NUTM2G: variants seen among roughly 807,000 people sequenced by gnomAD.
NUTM2G encodes the protein NUT family member 2G.
A neutral mutation model predicts 44.3 loss-of-function variants in NUTM2G; 29 were observed. The observed-to-expected ratio is 0.66, with a 90% CI of 0.49 to 0.89. NUTM2G has a LOEUF of 0.89. NUTM2G is among the 40% of genes least tolerant of loss of function. NUTM2G has a pLI of 0.00. For missense variants in NUTM2G, 502 were observed against 946.5 expected (o/e 0.53, Z 6.16); for synonymous variants, 205 against 395.9 (o/e 0.52, Z 5.72).
At position 96,937,239 on chromosome 9, in the gene NUTM2G, C is replaced by T. The variant is rs1164685005; in HGVS notation, c.1158C>T (p.Ile386=). Residue 386 remains isoleucine (I), a synonymous_variant, in exon 5 of 7, where the codon ATC becomes ATT. Coordinates refer to ENST00000372322, the MANE Select transcript of NUTM2G (RefSeq NM_001170741.3). The part of the protein sequence containing the change: ...PPEVVQEYVD[I]MEELLGSHPG... The stretch of plus-strand genomic sequence containing the variant: ...AAGTGGTGCAGGAGTATGTGGACAT[C>T]ATGGAGGAGCTGCTGGGGTCTCACC... The T allele has an allele frequency of 1.2e-6, 2 of 1,613,346 alleles. No individual in the cohort carries two copies. The highest frequency in any genetic ancestry group is 1.8e-4 in the Middle Eastern group (1 of 5,570).
rs781157913 is a variant in NUTM2G, at chr9:96,931,703, C to A, written c.17-19C>A. 7.4e-6 allele frequency: 12 copies of A among 1,611,104 alleles called. No individual in the cohort carries two copies. The African/African-American group carries it at 9.4e-5, about 13-fold the overall frequency. On this transcript the variant is annotated intron_variant, in intron 1 of 6. Transcript: ENST00000372322. ...CCTGGAGACGCCAGCTCATTCACCTCTTTCCTTTGTCTCCACAGCATACCC... is the reference window on the plus strand; with the variant it reads ...CCTGGAGACGCCAGCTCATTCACCTATTTCCTTTGTCTCCACAGCATACCC...
intron 5 of NUTM2G, among the ~76,000 whole-genome samples, 178 bp from the exon 6 acceptor site, chr9:96,937,707 A>C (rs1314559211): frequency 5.4e-5 from 7 of 130,392 alleles, no homozygotes; most frequent in African/African-American, 3.1e-4. Context: ...GTGTCTCTGT[A>C]TGTGTGTATG....
In NUTM2G at chr9:96,932,115, C is replaced by G. The variant is rs199759392; in HGVS notation, c.410C>G (p.Ser137Cys). The G allele has an allele frequency of 0.045, 67,425 of 1,486,044 alleles. 517 individuals carry two copies. The highest frequency in any genetic ancestry group is 0.39 in the East Asian group (14,991 of 37,976). 92.1% of individuals were successfully genotyped at this position (1,486,044 alleles called of 1,614,324 possible). Residue 137 changes from serine to cysteine, a missense_variant, in exon 2 of 7, where the codon TCT becomes TGT. Physicochemically the swap from Ser to Cys is moderately radical, Grantham distance 112. Transcript: ENST00000372322. Reference sequence around the variant, plus strand: ...GCTGCTCCTGGGGTGCCCGTTACCTCTGCCCAGGTGGTTGGGGGCACCCAG... The same window carrying G: ...GCTGCTCCTGGGGTGCCCGTTACCTGTGCCCAGGTGGTTGGGGGCACCCAG... ...LAAAPGVPVT[S>C]AQVVGGTQAC... is the part of the protein sequence containing the mutation.
rs746292041 is a variant in NUTM2G at position 96,937,115 on chromosome 9, C to A, written c.1034C>A (p.Pro345Gln). The A allele has an allele frequency of 6.2e-7, 1 of 1,611,650 alleles. No individual in the cohort carries two copies. Among genetic ancestry groups the A allele is most frequent in the South Asian group, 1.1e-5 (1 of 90,960 alleles). Reference protein sequence around the residue: ...GPKAPTACLPPPRPQRPAETK... With the variant: ...GPKAPTACLPQPRPQRPAETK... ...AAGGCCCCGACTGCCTGCCTGCCAC[C>A]ACCCAGGCCCCAGAGGCCAGCGGAG... is the stretch of plus-strand genomic sequence containing the variant. Residue 345 changes from proline to glutamine, a missense_variant, in exon 5 of 7, where the codon CCA (proline) becomes CAA (glutamine). Pro to Gln is a moderately conservative substitution (Grantham distance 76). Transcript: ENST00000372322.
intron 5 of NUTM2G, among the ~76,000 whole-genome samples, chr9:96,937,605 G>A (rs1407842856): frequency 6.6e-6 from 1 of 152,156 alleles, no homozygotes; most frequent in Non-Finnish European, 1.5e-5. Context: ...GTGTGTCTGT[G>A]TGGGTGTGGG....
At chr9:96,942,003 G>T (rs1466888999), downstream of NUTM2G, among the ~76,000 whole-genome samples, 2 of 151,632 alleles carry the variant, frequency 1.3e-5, no homozygotes, top group African/African-American at 4.9e-5. Context: ...GAGGCTCTCG[G>T]TGGGTTTGGC....
intron 2 of NUTM2G, 121 bp from the exon 3 acceptor site, chr9:96,935,207 G>T (rs1227257835): frequency 2.0e-6 from 3 of 1,496,740 alleles, no homozygotes. Context: ...ACATGGGGGA[G>T]AACAGGACAG....
chr9:96,936,825 GC>G (rs1299927491), intron 4 of NUTM2G, among the ~76,000 whole-genome samples: 20 of 152,170 alleles, frequency 1.3e-4, no homozygotes, highest in Non-Finnish European at 2.5e-4. Context: ...CATATGCTCT[GC>G]CCAGGAAGCA....
At position 96,937,782 on chromosome 9, in the gene NUTM2G, G is replaced by T. The variant is rs1225018286; in HGVS notation, c.1324-103G>T. The T allele has an allele frequency of 2.7e-6, 4 of 1,484,978 alleles. No individual in the cohort carries two copies. In the African/African-American group the frequency reaches 4.1e-5, roughly 15 times the overall value. 92.0% of individuals were successfully genotyped at this position (1,484,978 alleles called of 1,614,324 possible). A position where few individuals can be genotyped will look rare whatever the true frequency, so the allele number is the denominator to read the frequency against. On this transcript the variant is annotated intron_variant, in intron 5 of 6. Transcript: ENST00000372322. ...CATGATATGAAACAGCCCCAGGAGG[G>T]TGGGAATGGGGCCCTCCCTGCTTTC...
downstream of NUTM2G, among the ~76,000 whole-genome samples, chr9:96,941,085 C>T (rs146894092): frequency 0.019 from 2,785 of 149,758 alleles, 54 homozygotes; most frequent in African/African-American, 0.067. Context: ...TTAAGTGAGC[C>T]GTGTTTGAAG....
chr9:96,931,711 T>C lies in NUTM2G; in HGVS notation c.17-11T>C, dbSNP rs1826247880. The stretch of plus-strand genomic sequence containing the variant: ...CGCCAGCTCATTCACCTCTTTCCTT[T>C]GTCTCCACAGCATACCCAGTGCTGG... On this transcript the variant is annotated splice_polypyrimidine_tract_variant and intron_variant, in intron 1 of 6. Coordinates refer to ENST00000372322, the MANE Select transcript of NUTM2G (RefSeq NM_001170741.3). 5 of 1,611,432 alleles carry C rather than the reference T, an allele frequency of 3.1e-6. No homozygotes were observed. Among genetic ancestry groups the C allele is most frequent in the Non-Finnish European group, 4.2e-6 (5 of 1,179,760 alleles).
intron 1 of NUTM2G, among the ~76,000 whole-genome samples, chr9:96,931,387 CGAGA>C (rs370579143): frequency 0.011 from 1,720 of 152,126 alleles, 47 homozygotes; most frequent in African/African-American, 0.039. Flanking sequence ...ACCAAGCCAC[CGAGA>C]GACTCATCCC....
Position 96,937,393 on chromosome 9 carries a change from T to C in NUTM2G, c.1312T>C (p.Phe438Leu), listed in dbSNP as rs1826471159. ...YIDKLCSQED[F>L]VTKVEAVIHP... is the part of the protein sequence containing the mutation. Reference sequence around the variant, plus strand: ...TGACAAGCTGTGTTCCCAGGAAGACTTTGTCACCAAGGTGGGCTTGCCTGG... The same window carrying C: ...TGACAAGCTGTGTTCCCAGGAAGACCTTGTCACCAAGGTGGGCTTGCCTGG... Residue 438 changes from phenylalanine to leucine, a missense_variant, in exon 5 of 7, where the codon TTT becomes CTT. Physicochemically the swap from Phe to Leu is conservative, Grantham distance 22. Coordinates refer to ENST00000372322, the MANE Select transcript of NUTM2G (RefSeq NM_001170741.3). 6.2e-7 allele frequency: 1 copy of C among 1,613,396 alleles called. No homozygotes were observed. The highest frequency in any genetic ancestry group is 1.7e-5 in the Admixed American group (1 of 59,996).
chr9:96,937,300 A>C lies in NUTM2G; in HGVS notation c.1219A>C (p.Lys407Gln). ...DTGEPEGQRE[K>Q]GKVEQPQEED... ...AGGGGAGCCTGAGGGACAACGGGAA[A>C]AGGGCAAAGTGGAGCAGCCGCAGGA... The change falls in exon 5 of 7, where the codon AAG (lysine) becomes CAG (glutamine). Residue 407 changes from lysine (K) to glutamine (Q), a missense_variant. Transcript: ENST00000372322. 1 of 1,613,834 alleles carries C rather than the reference A, an allele frequency of 6.2e-7. No homozygotes were observed. Among genetic ancestry groups the C allele is most frequent in the Non-Finnish European group, 8.5e-7 (1 of 1,179,856 alleles).
Position 96,936,419 on chromosome 9 carries a change from C to G in NUTM2G, c.843-6C>G. On this transcript the variant is annotated splice_polypyrimidine_tract_variant and splice_region_variant and intron_variant, in intron 3 of 6. Transcript: ENST00000372322. ...TCAGCACAGCCTGGGCCTCCTTCAC[C>G]CCCAGGTTCCTGGAGTTTGAGGCTG... The G allele has an allele frequency of 6.3e-7, 1 of 1,576,246 alleles. No homozygotes were observed. Among genetic ancestry groups the G allele is most frequent in the Non-Finnish European group, 8.6e-7 (1 of 1,169,388 alleles).
At chr9:96,935,477 G>A (rs1324194493) in intron 3 of NUTM2G, 21 bp downstream of exon 3, 4 of 1,611,890 alleles carry the variant, frequency 2.5e-6, no homozygotes, top group Non-Finnish European at 3.4e-6. Context: ...GGTCCTGGGG[G>A]CAGGGCCCGT....
At chr9:96,931,697 T>C in intron 1 of NUTM2G, 25 bp from the exon 2 acceptor site, 1 of 1,610,886 alleles carries the variant, frequency 6.2e-7, no homozygotes, top group Non-Finnish European at 8.5e-7. Context: ...GCCAGCTCAT[T>C]CACCTCTTTC....
chr9:96,940,485 CT>C (rs1354226732), downstream of NUTM2G, among the ~76,000 whole-genome samples: 5 of 150,486 alleles, frequency 3.3e-5, no homozygotes, highest in East Asian at 6.1e-4. Flanking sequence ...CCCCTTACCC[CT>C]AACCCACCTC....
At chr9:96,935,893 C>CA in intron 3 of NUTM2G, among the ~76,000 whole-genome samples, 1 of 151,934 alleles carries the variant, frequency 6.6e-6, no homozygotes, top group East Asian at 1.9e-4. Context: ...CCTGGGACAC[C>CA]ATGAGACCCC....
Sources: allele counts gnomAD v4.1 joint callset (sites outside exome capture counted in the v4.1 genomes callset), GRCh38; gene constraint gnomAD v4.1.1; transcripts MANE v1.5; gene names NCBI Gene and HGNC (gene_info 2026-07-23, HGNC 2026-07-21).